FMN1: variants seen among roughly 807,000 people sequenced by gnomAD.
FMN1 encodes formin-1.
Under a neutral mutation model 132.4 loss-of-function variants are expected in FMN1, and 110 were observed. The ratio of observed to expected loss-of-function variants is 0.83; its 90% confidence interval spans 0.71 to 0.97. The LOEUF (loss-of-function observed/expected upper bound fraction) is 0.97, where lower values mean the gene tolerates loss of function less well. Among genes scored for constraint, FMN1 ranks in the 50% least tolerant of loss-of-function variants. The pLI is 0.00. For missense variants in FMN1, 1,792 were observed against 1,705.3 expected, an observed-to-expected ratio of 1.05 and a Z score of -0.90; for synonymous variants, 722 against 651.7, an observed-to-expected ratio of 1.11 and a Z score of -1.64.
chr15:32,879,072 G>T (rs866934960), intron 16 of FMN1, among the ~76,000 whole-genome samples: 2 of 152,124 alleles, frequency 1.3e-5, no homozygotes, highest in Middle Eastern at 3.4e-3. Context: ...ATTTCATTTG[G>T]GAAATGTGTG....
intron 7 of FMN1, 34 bp from the exon 8 acceptor site, chr15:32,969,511 A>G: frequency 1.9e-6 from 3 of 1,597,006 alleles, no homozygotes; most frequent in Non-Finnish European, 2.6e-6. Context: ...GAAAGTAATG[A>G]GTTTATTAAG....
At chr15:32,962,417 A>G (rs1185069582) in intron 9 of FMN1, among the ~76,000 whole-genome samples, 6 of 152,112 alleles carry the variant, frequency 3.9e-5, no homozygotes, top group South Asian at 2.1e-4. Flanking sequence ...ATTACCATTC[A>G]GGACATAGGC....
intron 6 of FMN1, among the ~76,000 whole-genome samples, chr15:33,010,612 A>G (rs2034660760): frequency 6.6e-6 from 1 of 152,180 alleles, no homozygotes; most frequent in South Asian, 2.1e-4. Context: ...AAAAAGACAC[A>G]AAATCTACAT....
chr15:32,988,406 A>G (rs2033218900), intron 7 of FMN1, among the ~76,000 whole-genome samples: 1 of 152,170 alleles, frequency 6.6e-6, no homozygotes, highest in South Asian at 2.1e-4. Flanking sequence ...TTCGTAACAG[A>G]AGCGTGTTTG....
intron 10 of FMN1, among the ~76,000 whole-genome samples, chr15:32,916,820 C>T (rs1412078595): frequency 6.6e-6 from 1 of 152,132 alleles, no homozygotes; most frequent in African/African-American, 2.4e-5. Flanking sequence ...TAAAACTTAG[C>T]TGCTTTGCCC....
chr15:33,045,819 G>A (rs1240828638), intron 6 of FMN1, among the ~76,000 whole-genome samples: 1 of 152,044 alleles, frequency 6.6e-6, no homozygotes, highest in Non-Finnish European at 1.5e-5. Context: ...GCACATGTAG[G>A]TAGGAAAAAA....
intron 4 of FMN1, among the ~76,000 whole-genome samples, chr15:33,137,184 T>C (rs1963812136): frequency 6.6e-6 from 1 of 151,678 alleles, no homozygotes; most frequent in African/African-American, 2.4e-5. Flanking sequence ...GTAAAAGTTC[T>C]GGGTAAGCAA....
chr15:33,111,784 C>T (rs143269356), intron 4 of FMN1, among the ~76,000 whole-genome samples: 13 of 151,972 alleles, frequency 8.6e-5, no homozygotes, highest in Middle Eastern at 3.4e-3. Flanking sequence ...TTGGGCTGGA[C>T]GGGGTTGTGG....
chr15:33,014,351 C>T (rs1393544204), intron 6 of FMN1, among the ~76,000 whole-genome samples: 11 of 152,090 alleles, frequency 7.2e-5, no homozygotes. Context: ...AACTCAAGAC[C>T]AAGGATGTGT....
intron 7 of FMN1, among the ~76,000 whole-genome samples, chr15:32,994,603 G>A (rs527436389): frequency 6.6e-6 from 1 of 152,190 alleles, no homozygotes; most frequent in Non-Finnish European, 1.5e-5. Flanking sequence ...AGCTCCAAGA[G>A]AGTGGGGCCT....
intron 17 of FMN1, among the ~76,000 whole-genome samples, chr15:32,829,601 T>A (rs937995035): frequency 6.6e-6 from 1 of 152,232 alleles, no homozygotes; most frequent in African/African-American, 2.4e-5. Context: ...CTATATTGCA[T>A]GAGCTGAAAG....
At chr15:33,022,165 C>T (rs571820086) in intron 6 of FMN1, among the ~76,000 whole-genome samples, 2 of 152,312 alleles carry the variant, frequency 1.3e-5, no homozygotes, top group South Asian at 4.2e-4. Context: ...AACGTCAATG[C>T]TATGTAAATA....
At chr15:33,125,610 C>T (rs562041837) in intron 4 of FMN1, among the ~76,000 whole-genome samples, 12 of 151,946 alleles carry the variant, frequency 7.9e-5, no homozygotes, top group African/African-American at 1.9e-4. Context: ...AAGGCCAAGG[C>T]GGGCAGATCA....
chr15:33,125,853 C>T (rs539295742), intron 4 of FMN1, among the ~76,000 whole-genome samples: 1 of 152,312 alleles, frequency 6.6e-6, no homozygotes, highest in South Asian at 2.1e-4. Flanking sequence ...AATACTAAAT[C>T]TCTAAATGTT....
At chr15:33,169,302 C>G (rs1177498521) in intron 3 of FMN1, among the ~76,000 whole-genome samples, 1 of 152,196 alleles carries the variant, frequency 6.6e-6, no homozygotes, top group Non-Finnish European at 1.5e-5. Flanking sequence ...CACGCTGCTT[C>G]TAGAAATCTA....
At chr15:32,804,118 G>A (rs1391372168) in intron 18 of FMN1, among the ~76,000 whole-genome samples, 163 bp downstream of exon 18, 1 of 152,100 alleles carries the variant, frequency 6.6e-6, no homozygotes, top group African/African-American at 2.4e-5. Context: ...GGACAGGGGA[G>A]TGGGGAATGG....
chr15:33,149,052 A>T (rs1364181943), intron 4 of FMN1, among the ~76,000 whole-genome samples: 1 of 144,544 alleles, frequency 6.9e-6, no homozygotes, highest in Non-Finnish European at 1.5e-5. Flanking sequence ...TTGAAGAATC[A>T]TAAAAGTAAC....
chr15:33,019,648 G>A (rs1321404346), intron 6 of FMN1, among the ~76,000 whole-genome samples: 2 of 152,222 alleles, frequency 1.3e-5, no homozygotes, highest in African/African-American at 2.4e-5. Flanking sequence ...AAGCCCCGGG[G>A]ACAAATCGAG....
intron 9 of FMN1, among the ~76,000 whole-genome samples, chr15:32,937,330 T>C (rs2061299353): frequency 6.6e-6 from 1 of 152,170 alleles, no homozygotes; most frequent in African/African-American, 2.4e-5. Context: ...GAGGTAGTTT[T>C]CTCTAAATCA....
Sources: allele counts gnomAD v4.1 joint callset (sites outside exome capture counted in the v4.1 genomes callset), GRCh38; gene constraint gnomAD v4.1.1; transcripts MANE v1.5; gene names NCBI Gene and HGNC (gene_info 2026-07-23, HGNC 2026-07-21).